The following RPGRIP1 variants were observed in gnomAD, a reference collection of about 807,000 sequenced individuals.
RPGRIP1 encodes the protein RPGR interacting protein 1, also known as X-linked retinitis pigmentosa GTPase regulator-interacting protein 1.
A neutral mutation model predicts 157.9 loss-of-function variants in RPGRIP1; 128 were observed. The observed-to-expected ratio is 0.81, with a 90% CI of 0.70 to 0.94. The LOEUF (loss-of-function observed/expected upper bound fraction) is 0.94. Ranked by LOEUF, RPGRIP1 falls within the 40% of genes least tolerant of loss-of-function variation. The pLI is 0.00. For missense variants in RPGRIP1, 1,486 were observed against 1,545.8 expected (o/e 0.96, Z 0.65); for synonymous variants, 554 against 571.6 (o/e 0.97, Z 0.44).
chr14:21,312,211 A>G (rs1277072872), intron 9 of RPGRIP1, among the ~76,000 whole-genome samples: 1 of 152,216 alleles, frequency 6.6e-6, no homozygotes, highest in Non-Finnish European at 1.5e-5. Context: ...GTAGAAACCC[A>G]GAAACAGTGA....
intron 1 of RPGRIP1, among the ~76,000 whole-genome samples, chr14:21,282,279 C>G (rs1226465187): frequency 6.6e-6 from 1 of 152,098 alleles, no homozygotes; most frequent in Non-Finnish European, 1.5e-5. Context: ...GCTCTGTCAC[C>G]CGGCTGGAGT....
Position 21,327,637 on chromosome 14 carries a change from A to C in RPGRIP1, c.2725A>C (p.Thr909Pro). ...NESIKGDFNL[T>P]DPAEKPNGSI... ...TTGTTTCTCAGGTGATTTTAACCTC[A>C]CTGACCCTGCAGAGAAACCCAACGG... The change falls in exon 18 of 25, where the codon ACT (threonine) becomes CCT (proline). Residue 909 changes from threonine (T) to proline (P), a missense_variant. Transcript: ENST00000400017. 1 of 1,613,968 alleles carries C rather than the reference A, an allele frequency of 6.2e-7. No individual in the cohort carries two copies. Among genetic ancestry groups the C allele is most frequent in the Non-Finnish European group, 8.5e-7 (1 of 1,179,838 alleles).
intron 1 of RPGRIP1, among the ~76,000 whole-genome samples, chr14:21,281,260 G>C (rs1413877573): frequency 2.0e-5 from 3 of 152,066 alleles, no homozygotes; most frequent in African/African-American, 4.8e-5. Context: ...TTGATCTTGT[G>C]ATCTGCCCGC....
At chr14:21,312,602 A>T (rs1053792334) in intron 10 of RPGRIP1, 96 bp downstream of exon 10, 3 of 676,962 alleles carry the variant, frequency 4.4e-6, no homozygotes, top group African/African-American at 3.7e-5. Context: ...ATATGGGGAA[A>T]TTGGTACTCA....
At chr14:21,315,172 C>CA (rs1203404618) in intron 10 of RPGRIP1, among the ~76,000 whole-genome samples, 71 of 144,136 alleles carry the variant, frequency 4.9e-4, no homozygotes, top group East Asian at 3.4e-3. Flanking sequence ...GACTCTCAAA[C>CA]AAAAAAAAAA....
chr14:21,317,301 G>A (rs965127782), intron 10 of RPGRIP1, among the ~76,000 whole-genome samples: 11 of 152,174 alleles, frequency 7.2e-5, no homozygotes, highest in African/African-American at 1.2e-4. Flanking sequence ...TAAACTCACC[G>A]TTGGTGAAGG....
chr14:21,305,937 T>C (rs1045282491), intron 6 of RPGRIP1, among the ~76,000 whole-genome samples: 1 of 151,756 alleles, frequency 6.6e-6, no homozygotes, highest in Non-Finnish European at 1.5e-5. Context: ...CTTTCAATTA[T>C]TTGGGGGGTA....
chr14:21,336,357 G>C (rs999650659), intron 21 of RPGRIP1, among the ~76,000 whole-genome samples: 1 of 152,130 alleles, frequency 6.6e-6, no homozygotes, highest in African/African-American at 2.4e-5. Flanking sequence ...AACACAGCAA[G>C]ACAACTGTCT....
At chr14:21,315,974 GT>G (rs35698876) in intron 10 of RPGRIP1, among the ~76,000 whole-genome samples, 33,827 of 107,078 alleles carry the variant, frequency 0.32, 4,127 homozygotes, top group East Asian at 0.4. Context: ...AATTTTTGTG[GT>G]TTTTTTTTTT....
In RPGRIP1 at chr14:21,331,321, G is replaced by A. The variant is rs1883763568; in HGVS notation, c.3238+934G>A. Among the ~76,000 whole-genome samples the A allele has an allele frequency of 2.0e-5, 3 of 149,594 alleles. No homozygotes were observed. In the South Asian group the frequency reaches 6.7e-4, roughly 34 times the overall value. The stretch of plus-strand genomic sequence containing the variant: ...GTAGATCACCTGAGGTCGGGAGTTT[G>A]AGACCAGCCTGACCAACATGATGAA... On this transcript the variant is annotated intron_variant, in intron 20 of 24. Transcript: ENST00000400017.
In RPGRIP1 at chr14:21,303,514, G is replaced by A; in HGVS notation, c.771G>A (p.Leu257=). Residue 257 remains leucine (L), a synonymous_variant, in exon 6 of 25, where the codon TTG becomes TTA. Transcript: ENST00000400017. ...AAAATTTTGAACAGAGAAGCTCATT[G>A]GAGTGTGCTCAGAAGGCTGCAGAGC... The part of the protein sequence containing the change: ...KDENFEQRSS[L]ECAQKAAELR... 1 of 1,613,854 alleles carries A rather than the reference G, an allele frequency of 6.2e-7. No individual in the cohort carries two copies. Among genetic ancestry groups the A allele is most frequent in the East Asian group, 2.2e-5 (1 of 44,888 alleles).
chr14:21,310,933 A>T (rs542161968), intron 8 of RPGRIP1: 13 of 567,006 alleles, frequency 2.3e-5, no homozygotes, highest in South Asian at 1.7e-4. Flanking sequence ...AGGTGATGAG[A>T]TATAACAAAG....
intron 2 of RPGRIP1, among the ~76,000 whole-genome samples, chr14:21,293,101 G>A (rs28503215): frequency 0.012 from 1,834 of 152,144 alleles, 14 homozygotes; most frequent in Middle Eastern, 0.041. Flanking sequence ...AGCCGAGATC[G>A]CACCATTGCA....
chr14:21,350,099 G>T (rs532958607), intron 24 of RPGRIP1, among the ~76,000 whole-genome samples: 2 of 152,312 alleles, frequency 1.3e-5, no homozygotes, highest in African/African-American at 4.8e-5. Flanking sequence ...TTAAAGGCCA[G>T]GCGAGGTGGC....
intron 13 of RPGRIP1, 53 bp from the exon 14 acceptor site, chr14:21,321,801 T>C (rs1320825357): frequency 1.9e-6 from 3 of 1,567,856 alleles, no homozygotes; most frequent in African/African-American, 2.7e-5. Context: ...TTTTTTATGC[T>C]CTTTGGTTTT....
chr14:21,290,122 G>T (rs1880463502), intron 2 of RPGRIP1, among the ~76,000 whole-genome samples: 1 of 152,072 alleles, frequency 6.6e-6, no homozygotes, highest in Admixed American at 6.6e-5. Flanking sequence ...CTCCCAAAGT[G>T]CTGGGATTAC....
chr14:21,351,132 AATAGG>A lies in RPGRIP1; in HGVS notation c.3779_3783del (p.Ile1260LysfsTer21), dbSNP rs1440926205. The stretch of plus-strand genomic sequence containing the variant: ...TTAGCCCTGAAGATCTGGCTACCCC[AATAGG>A]AAGGCTGAAGGTTTCCCTTCAAGCA... On this transcript the variant is annotated frameshift_variant, in exon 25 of 25. Coordinates refer to ENST00000400017, the MANE Select transcript of RPGRIP1 (RefSeq NM_020366.4). LOFTEE classifies it high-confidence loss of function. 1 of 1,612,314 alleles carries A rather than the reference AATAGG, an allele frequency of 6.2e-7. No individual in the cohort carries two copies. The highest frequency in any genetic ancestry group is 8.5e-7 in the Non-Finnish European group (1 of 1,179,020).
intron 10 of RPGRIP1, among the ~76,000 whole-genome samples, chr14:21,316,445 C>A (rs1881815674): frequency 6.6e-6 from 1 of 152,050 alleles, no homozygotes; most frequent in South Asian, 2.1e-4. Flanking sequence ...GAGACGGAAT[C>A]TCACACTGTT....
At chr14:21,340,523 C>T (rs1226555642) in intron 21 of RPGRIP1, among the ~76,000 whole-genome samples, 2 of 152,128 alleles carry the variant, frequency 1.3e-5, no homozygotes, top group East Asian at 3.9e-4. Flanking sequence ...GGCATGGTGG[C>T]ACATGCCTGT....
Sources: allele counts gnomAD v4.1 joint callset (sites outside exome capture counted in the v4.1 genomes callset), GRCh38; gene constraint gnomAD v4.1.1; transcripts MANE v1.5; gene names NCBI Gene and HGNC (gene_info 2026-07-23, HGNC 2026-07-21).